Variants in GRIK1 observed in about 807,000 individuals in gnomAD.
GRIK1 encodes the protein glutamate receptor ionotropic, kainate 1.
Under a neutral mutation model 105.7 loss-of-function variants are expected in GRIK1, and 69 were observed. The ratio of observed to expected loss-of-function variants is 0.65; its 90% CI spans 0.54 to 0.80. GRIK1 has a LOEUF of 0.80. Ranked by LOEUF, GRIK1 falls within the 30% of genes least tolerant of loss-of-function variation. The pLI is 0.00. For synonymous variants in GRIK1, 438 were observed against 431.3 expected (o/e 1.02, Z -0.19); for missense variants, 1,109 against 1,167.3 (o/e 0.95, Z 0.73).
intron 1 of GRIK1, among the ~76,000 whole-genome samples, chr21:29,835,045 T>C (rs955976423): frequency 3.9e-5 from 6 of 152,152 alleles, no homozygotes; most frequent in Non-Finnish European, 5.9e-5. Context: ...TGATCACTAA[T>C]GCTCCAGGTA....
intron 16 of GRIK1, among the ~76,000 whole-genome samples, chr21:29,550,436 T>C (rs1360405656): frequency 5.9e-5 from 9 of 152,218 alleles, no homozygotes; most frequent in East Asian, 1.9e-4. Flanking sequence ...GTTCTAATTA[T>C]GTACATAAGT....
At chr21:29,831,127 T>A (rs2067624542) in intron 1 of GRIK1, among the ~76,000 whole-genome samples, 1 of 152,194 alleles carries the variant, frequency 6.6e-6, no homozygotes, top group South Asian at 2.1e-4. Context: ...TGAAGCAGTT[T>A]CGGTAGATTT....
rs1432829580 is a variant in GRIK1 at position 29,671,402 on chromosome 21, GA to G, written c.726+1580del. Among the ~76,000 whole-genome samples, 64 of 145,024 alleles carry G rather than the reference GA, an allele frequency of 4.4e-4. 1 individual carries two copies. The highest frequency in any genetic ancestry group is 1.7e-3 in the African/African-American group (60 of 35,908). On this transcript the variant is annotated intron_variant, in intron 4 of 17. Transcript: ENST00000327783. The stretch of plus-strand genomic sequence containing the variant: ...AACCTCCCAACTCCAACTTTAAATA[GA>G]ATTTTTTTTTTTTTTTTTACTCTAA...
At chr21:29,598,169 G>A (rs1266016795) in intron 8 of GRIK1, among the ~76,000 whole-genome samples, 2 of 152,120 alleles carry the variant, frequency 1.3e-5, no homozygotes, top group Non-Finnish European at 2.9e-5. Flanking sequence ...ATATTGAGGA[G>A]CCAAATTCTT....
chr21:29,767,574 G>T (rs1305553313), intron 1 of GRIK1, among the ~76,000 whole-genome samples: 1 of 151,806 alleles, frequency 6.6e-6, no homozygotes, highest in East Asian at 1.9e-4. Flanking sequence ...TTAAAACACA[G>T]GACTTTGGAC....
intron 1 of GRIK1, among the ~76,000 whole-genome samples, chr21:29,772,829 A>G (rs1288635354): frequency 6.6e-6 from 1 of 152,258 alleles, no homozygotes; most frequent in East Asian, 1.9e-4. Flanking sequence ...AATTACGCAT[A>G]TGATAAATAT....
chr21:29,856,418 A>G (rs1418104138), intron 1 of GRIK1, among the ~76,000 whole-genome samples: 1 of 152,254 alleles, frequency 6.6e-6, no homozygotes. Flanking sequence ...CATGATAATT[A>G]CAAAGTCTCT....
At position 29,620,795 on chromosome 21, in the gene GRIK1, A is replaced by ATATATATATAGATATATATATC. The variant is rs1355719872; in HGVS notation, c.1099-21859_1099-21858insGATATATATATCTATATATATA. ...CATATATATATAGATATATATATCTATATATATATAGATATATATATATAG... is the reference window on the plus strand; with the variant it reads ...CATATATATATAGATATATATATCTATATATATATAGATATATATATCTATATATATAGATATATATATATAG... On this transcript the variant is annotated intron_variant, in intron 7 of 17. Coordinates refer to ENST00000327783, the MANE Select transcript of GRIK1 (RefSeq NM_001330994.2). 8.3e-5 allele frequency among the ~76,000 whole-genome samples: 9 copies of ATATATATATAGATATATATATC among 109,078 alleles called. 1 individual carries two copies. The highest frequency in any genetic ancestry group is 4.9e-4 in the African/African-American group (9 of 18,406). 71.6% of individuals were successfully genotyped at this position (109,078 alleles called of 152,430 possible).
intron 1 of GRIK1, among the ~76,000 whole-genome samples, chr21:29,932,192 T>C (rs866717271): frequency 2.0e-4 from 31 of 152,216 alleles, no homozygotes; most frequent in Non-Finnish European, 3.8e-4. Context: ...GCCTAATCTT[T>C]CAAATTTAAC....
intron 14 of GRIK1, among the ~76,000 whole-genome samples, chr21:29,562,441 A>C (rs1259417797): frequency 2.6e-5 from 4 of 152,188 alleles, no homozygotes; most frequent in Non-Finnish European, 5.9e-5. Context: ...GATCACATAA[A>C]GGTTAGGAGT....
At chr21:29,554,358 C>G (rs554506327) in intron 16 of GRIK1, among the ~76,000 whole-genome samples, 27 of 152,214 alleles carry the variant, frequency 1.8e-4, no homozygotes, top group African/African-American at 6.3e-4. Flanking sequence ...CACAATCAGC[C>G]TTTTCAAAAG....
chr21:29,806,989 AT>A (rs1398822562), intron 1 of GRIK1, among the ~76,000 whole-genome samples: 1 of 152,186 alleles, frequency 6.6e-6, no homozygotes, highest in African/African-American at 2.4e-5. Context: ...GTCTTTTCTC[AT>A]TAAGCCCCAT....
chr21:29,750,317 C>T (rs2065158707), intron 1 of GRIK1, among the ~76,000 whole-genome samples: 1 of 130,320 alleles, frequency 7.7e-6, no homozygotes, highest in Non-Finnish European at 1.6e-5. Context: ...GAATATGTAC[C>T]TACTCTACAT....
intron 4 of GRIK1, among the ~76,000 whole-genome samples, chr21:29,665,428 A>G (rs970290910): frequency 1.3e-5 from 2 of 152,238 alleles, no homozygotes; most frequent in African/African-American, 4.8e-5. Context: ...ATAACATACT[A>G]CAAATTATCA....
intron 1 of GRIK1, among the ~76,000 whole-genome samples, chr21:29,792,567 G>A (rs1417078939): frequency 6.6e-6 from 1 of 152,218 alleles, no homozygotes; most frequent in East Asian, 1.9e-4. Context: ...ATAAATGTAT[G>A]CTGAATGGAC....
At chr21:29,852,999 A>T (rs1601856591) in intron 1 of GRIK1, among the ~76,000 whole-genome samples, 1 of 152,320 alleles carries the variant, frequency 6.6e-6, no homozygotes, top group East Asian at 1.9e-4. Context: ...TAAAATCAAC[A>T]TATCTTCTCA....
intron 5 of GRIK1, 102 bp from the exon 6 acceptor site, chr21:29,651,393 C>T (rs2062734324): frequency 2.7e-6 from 2 of 732,388 alleles, no homozygotes; most frequent in Non-Finnish European, 4.2e-6. Flanking sequence ...ACAATGATAC[C>T]TTTTATCTGT....
intron 1 of GRIK1, among the ~76,000 whole-genome samples, chr21:29,890,229 T>A (rs971740700): frequency 3.3e-5 from 5 of 152,208 alleles, no homozygotes; most frequent in African/African-American, 4.8e-5. Flanking sequence ...TTCTCAAGCT[T>A]AACTGATAAA....
intron 1 of GRIK1, among the ~76,000 whole-genome samples, chr21:29,793,403 G>C (rs1297832118): frequency 6.6e-6 from 1 of 152,108 alleles, no homozygotes; most frequent in African/African-American, 2.4e-5. Context: ...TAACAGCCCT[G>C]CTACAAGTTA....
Sources: allele counts gnomAD v4.1 joint callset (sites outside exome capture counted in the v4.1 genomes callset), GRCh38; gene constraint gnomAD v4.1.1; transcripts MANE v1.5; gene names NCBI Gene and HGNC (gene_info 2026-07-23, HGNC 2026-07-21).